The following KCNQ5 variants were observed in gnomAD, a reference collection of about 807,000 sequenced individuals.
The protein encoded by KCNQ5 is potassium voltage-gated channel subfamily KQT member 5.
Under a neutral mutation model 98.2 loss-of-function variants are expected in KCNQ5, and 30 were observed. That is an observed-to-expected ratio of 0.31 (90% CI 0.23 to 0.41). KCNQ5 has a LOEUF of 0.41. Among genes scored for constraint, KCNQ5 ranks in the 10% least tolerant of loss-of-function variants. KCNQ5 has a pLI of 1.00. For missense variants in KCNQ5, 835 were observed against 1,182.5 expected (o/e 0.71, Z 4.31); for synonymous variants, 458 against 449.4 (o/e 1.02, Z -0.24).
intron 1 of KCNQ5, among the ~76,000 whole-genome samples, chr6:73,002,001 ATAGTCCCAGCT>A (rs1769592699): frequency 2.7e-3 from 2 of 750 alleles, no homozygotes; most frequent in African/African-American, 3.1e-3. Context: ...GCCTGCGCCT[ATAGTCCCAGCT>A]CTCAGGAGGC....
rs929521254 is a variant in KCNQ5 at position 73,195,067 on chromosome 6, G to C, written c.2452G>C (p.Val818Leu). 4 of 1,614,218 alleles carry C rather than the reference G, an allele frequency of 2.5e-6. No individual in the cohort carries two copies. Among genetic ancestry groups the C allele is most frequent in the African/African-American group, 2.7e-5 (2 of 75,054 alleles). ...CATGGGAGGAGAAACTCTGTTGTCT[G>C]TCTGTCCCATGGTGCCGAAGGACTT... The part of the protein sequence containing the change: ...FDMGGETLLS[V>L]CPMVPKDLGK... Residue 818 changes from valine to leucine, a missense_variant, in exon 14 of 14, where the codon GTC becomes CTC. Val to Leu is a conservative substitution (Grantham distance 32). Transcript: ENST00000370398.
chr6:73,065,773 C>A (rs1773022502), intron 3 of KCNQ5, among the ~76,000 whole-genome samples: 1 of 152,212 alleles, frequency 6.6e-6, no homozygotes, highest in African/African-American at 2.4e-5. Flanking sequence ...AACCATTTTT[C>A]CTTAGATATG....
chr6:73,187,386 G>A (rs1267007536), intron 11 of KCNQ5, among the ~76,000 whole-genome samples: 1 of 152,194 alleles, frequency 6.6e-6, no homozygotes, highest in East Asian at 1.9e-4. Context: ...CTTAAAAGTA[G>A]TCAGTGCTTG....
chr6:73,181,320 C>G (rs1778396938), intron 11 of KCNQ5, among the ~76,000 whole-genome samples: 1 of 152,166 alleles, frequency 6.6e-6, no homozygotes, highest in Non-Finnish European at 1.5e-5. Flanking sequence ...AGGTCTTTTG[C>G]TCTTTGCTGC....
At chr6:72,702,769 A>G (rs980254380) in intron 1 of KCNQ5, among the ~76,000 whole-genome samples, 1 of 152,220 alleles carries the variant, frequency 6.6e-6, no homozygotes, top group African/African-American at 2.4e-5. Context: ...TGGCCACTTT[A>G]CGGTATGATT....
At chr6:73,077,624 C>A in intron 4 of KCNQ5, 127 bp downstream of exon 4, 5 of 1,267,720 alleles carry the variant, frequency 3.9e-6, no homozygotes, top group Non-Finnish European at 5.4e-6. Context: ...AATTTTGGGA[C>A]ATGATGTACA....
intron 1 of KCNQ5, among the ~76,000 whole-genome samples, chr6:72,937,261 T>C (rs1380981358): frequency 6.6e-6 from 1 of 152,196 alleles, no homozygotes; most frequent in Non-Finnish European, 1.5e-5. Flanking sequence ...TGCTCCTGTG[T>C]GATATTCTGT....
At chr6:73,116,414 C>G (rs1775495561) in intron 7 of KCNQ5, among the ~76,000 whole-genome samples, 2 of 152,284 alleles carry the variant, frequency 1.3e-5, no homozygotes, top group South Asian at 4.1e-4. Context: ...GCCTGCAACC[C>G]CCGCACTTTG....
At chr6:73,031,146 A>G (rs77018298) in intron 2 of KCNQ5, among the ~76,000 whole-genome samples, 515 of 152,374 alleles carry the variant, frequency 3.4e-3, no homozygotes, top group East Asian at 0.026. Context: ...ACAACGGTGT[A>G]ACCATTAGTG....
intron 1 of KCNQ5, among the ~76,000 whole-genome samples, chr6:72,864,044 CA>C (rs1175776508): frequency 6.6e-6 from 1 of 152,134 alleles, no homozygotes; most frequent in Non-Finnish European, 1.5e-5. Flanking sequence ...GCAAGTAGCT[CA>C]ATAACCAAAT....
chr6:73,123,983 T>G (rs1471674888), intron 8 of KCNQ5, among the ~76,000 whole-genome samples: 1 of 152,212 alleles, frequency 6.6e-6, no homozygotes, highest in Non-Finnish European at 1.5e-5. Flanking sequence ...TAAAAGAGTT[T>G]TGGTAAATAT....
rs147294427 is a variant in KCNQ5 at position 73,034,628 on chromosome 6, A to G, written c.490-7308A>G. Among the ~76,000 whole-genome samples the G allele has an allele frequency of 1.4e-3, 210 of 152,332 alleles. 2 individuals are homozygous for G. The highest frequency in any genetic ancestry group is 4.8e-3 in the African/African-American group (201 of 41,572). ...AATCAATCTGCCTAAAACAATTTTAAGTAGCTAAAAAACAAAATAACGGCA... is the reference window on the plus strand; with the variant it reads ...AATCAATCTGCCTAAAACAATTTTAGGTAGCTAAAAAACAAAATAACGGCA... On this transcript the variant is annotated intron_variant, in intron 2 of 13. Coordinates refer to ENST00000370398, the MANE Select transcript of KCNQ5 (RefSeq NM_019842.4).
At chr6:72,655,696 A>G (rs1766154877) in intron 1 of KCNQ5, among the ~76,000 whole-genome samples, 1 of 152,176 alleles carries the variant, frequency 6.6e-6, no homozygotes, top group Non-Finnish European at 1.5e-5. Context: ...GTCGGGACAT[A>G]CTGTGAGTGC....
At chr6:72,959,068 C>T (rs1441606474) in intron 1 of KCNQ5, among the ~76,000 whole-genome samples, 6 of 152,178 alleles carry the variant, frequency 3.9e-5, no homozygotes, top group Non-Finnish European at 8.8e-5. Context: ...TTTGTTTTCC[C>T]TCTCGAAAAT....
intron 3 of KCNQ5, among the ~76,000 whole-genome samples, chr6:73,050,140 C>T (rs1772153240): frequency 1.3e-5 from 2 of 151,864 alleles, no homozygotes; most frequent in African/African-American, 4.8e-5. Context: ...TAACTTCTGC[C>T]CAGGAATTCA....
At chr6:72,784,320 TAGAG>T (rs1187537986) in intron 1 of KCNQ5, among the ~76,000 whole-genome samples, 3 of 151,884 alleles carry the variant, frequency 2.0e-5, no homozygotes, top group African/African-American at 7.3e-5. Flanking sequence ...CAAGACCTGA[TAGAG>T]AGAAGAGAAG....
At chr6:72,887,446 C>A (rs149953332) in intron 1 of KCNQ5, among the ~76,000 whole-genome samples, 7,261 of 152,134 alleles carry the variant, frequency 0.048, 244 homozygotes, top group Middle Eastern at 0.071. Context: ...GTGGGAGTTA[C>A]AATTCAAGAT....
intron 10 of KCNQ5, chr6:73,158,151 G>A (rs1777445318): frequency 5.3e-6 from 2 of 374,636 alleles, no homozygotes; most frequent in Non-Finnish European, 1.0e-5. Context: ...GTGCGGGGGA[G>A]GGGGCGGGGC....
At chr6:72,708,515 ACATTTTTGGGTTGGGT>A in intron 1 of KCNQ5, among the ~76,000 whole-genome samples, 4 of 152,184 alleles carry the variant, frequency 2.6e-5, no homozygotes, top group Non-Finnish European at 5.9e-5. Context: ...TTAAGCAAAT[ACATTTTTGGGTTGGGT>A]GGCAGCGGGG....
Sources: allele counts gnomAD v4.1 joint callset (sites outside exome capture counted in the v4.1 genomes callset), GRCh38; gene constraint gnomAD v4.1.1; transcripts MANE v1.5; gene names NCBI Gene and HGNC (gene_info 2026-07-23, HGNC 2026-07-21).